The following ARHGAP6 variants were observed in gnomAD, a reference collection of about 807,000 sequenced individuals.
The protein encoded by ARHGAP6 is rho GTPase-activating protein 6.
A neutral mutation model predicts 55.7 loss-of-function variants in ARHGAP6; 16 were observed. The ratio of observed to expected loss-of-function variants is 0.29; its 90% confidence interval spans 0.19 to 0.44. ARHGAP6 has a LOEUF of 0.44. Among genes scored for constraint, ARHGAP6 ranks in the 20% least tolerant of loss-of-function variants. The pLI, the probability that ARHGAP6 is intolerant of heterozygous loss-of-function variation, is 1.00. For missense variants in ARHGAP6, 698 were observed against 808.9 expected (o/e 0.86, Z 1.66); for synonymous variants, 382 against 360.9 (o/e 1.06, Z -0.66).
At chrX:11,437,905 G>C (rs894093053) in intron 1 of ARHGAP6, among the ~76,000 whole-genome samples, 5 of 112,024 alleles carry the variant, frequency 4.5e-5, no homozygotes, top group Non-Finnish European at 7.5e-5. Context: ...GAGATATTCC[G>C]GGCAGAGCAC....
intron 1 of ARHGAP6, among the ~76,000 whole-genome samples, chrX:11,494,545 G>A (rs1387401624): frequency 8.9e-6 from 1 of 112,812 alleles, no homozygotes; most frequent in Non-Finnish European, 1.9e-5. Context: ...TAGGATAAAA[G>A]AGTAGAGATT....
At chrX:11,616,011 G>GGAGTGGCCAAATT (rs1172774230) in intron 1 of ARHGAP6, among the ~76,000 whole-genome samples, 1 of 111,789 alleles carries the variant, frequency 8.9e-6, no homozygotes, top group Non-Finnish European at 1.9e-5. Flanking sequence ...GGCCCACAGT[G>GGAGTGGCCAAATT]TAGCAGTGTT....
chrX:11,562,542 A>C (rs958799748), intron 1 of ARHGAP6, among the ~76,000 whole-genome samples: 6 of 111,843 alleles, frequency 5.4e-5, no homozygotes, highest in African/African-American at 2.0e-4. Flanking sequence ...TTTGAATGTT[A>C]GGAAGGTATA....
chrX:11,283,679 A>G (rs1404759069), intron 1 of ARHGAP6, among the ~76,000 whole-genome samples: 2 of 111,850 alleles, frequency 1.8e-5, no homozygotes, highest in Non-Finnish European at 3.8e-5. Flanking sequence ...GGGAGGCAGA[A>G]GGGTCAGTGT....
At chrX:11,303,260 A>C (rs2048193195) in intron 1 of ARHGAP6, among the ~76,000 whole-genome samples, 1 of 112,360 alleles carries the variant, frequency 8.9e-6, no homozygotes, top group East Asian at 2.8e-4. Context: ...TTTTGCCCCT[A>C]TTTGATCTGG....
intron 1 of ARHGAP6, among the ~76,000 whole-genome samples, chrX:11,376,278 A>C (rs1023980021): frequency 1.8e-5 from 2 of 112,699 alleles, no homozygotes; most frequent in African/African-American, 6.4e-5. Context: ...AGATATGATT[A>C]AGTGTATAGA....
At chrX:11,274,048 G>A (rs757874648) in intron 1 of ARHGAP6, among the ~76,000 whole-genome samples, 136 of 111,086 alleles carry the variant, frequency 1.2e-3, no homozygotes, top group Non-Finnish European at 2.4e-3. Flanking sequence ...CAAACTCAGG[G>A]ACCTTAGTCC....
chrX:11,358,743 A>C (rs942004082), intron 1 of ARHGAP6, among the ~76,000 whole-genome samples: 1 of 111,204 alleles, frequency 9.0e-6, no homozygotes, highest in African/African-American at 3.3e-5. Flanking sequence ...TGGCCACCCA[A>C]AGTGCTGGGA....
At chrX:11,645,089 G>A (rs1307716060) in intron 1 of ARHGAP6, among the ~76,000 whole-genome samples, 2 of 111,667 alleles carry the variant, frequency 1.8e-5, no homozygotes, top group African/African-American at 6.5e-5. Context: ...AGTCTCAAAA[G>A]GCTAAATACT....
At chrX:11,187,646 G>A (rs780355199) in intron 4 of ARHGAP6, among the ~76,000 whole-genome samples, 166 of 111,925 alleles carry the variant, frequency 1.5e-3, no homozygotes, top group Non-Finnish European at 2.8e-3. Flanking sequence ...GTTAGGGGCT[G>A]ATTGAAAAAT....
In ARHGAP6 at chrX:11,208,132, C is replaced by T. The variant is rs777322117; in HGVS notation, c.749-11136G>A. On this transcript the variant is annotated intron_variant, in intron 2 of 12. Transcript: ENST00000337414. Reference sequence around the variant, plus strand: ...TAAGAAACAGGGATAAAAAATATTGCGATATCAGGATATCTAGAATTTGGA... The same window carrying T: ...TAAGAAACAGGGATAAAAAATATTGTGATATCAGGATATCTAGAATTTGGA... 8.1e-5 allele frequency among the ~76,000 whole-genome samples: 9 copies of T among 111,369 alleles called. No individual in the cohort carries two copies. In the South Asian group the frequency reaches 1.5e-3, roughly 19 times the overall value.
At chrX:11,256,984 G>A (rs1166436453) in intron 1 of ARHGAP6, among the ~76,000 whole-genome samples, 2 of 111,109 alleles carry the variant, frequency 1.8e-5, no homozygotes, top group Non-Finnish European at 3.8e-5. Context: ...TGGGGCCAGT[G>A]TATTTTGAAT....
At chrX:11,220,780 C>T (rs1378652341) in intron 2 of ARHGAP6, among the ~76,000 whole-genome samples, 6 of 108,054 alleles carry the variant, frequency 5.6e-5, no homozygotes, top group Admixed American at 3.0e-4. Context: ...TCACACATAA[C>T]AATATTAACT....
intron 1 of ARHGAP6, among the ~76,000 whole-genome samples, chrX:11,623,313 T>A (rs910009166): frequency 9.0e-6 from 1 of 110,570 alleles, no homozygotes; most frequent in Non-Finnish European, 1.9e-5. Flanking sequence ...AAAAAAGAAA[T>A]CAAGAAAGCT....
At chrX:11,654,994 C>T (rs2052622673) in intron 1 of ARHGAP6, among the ~76,000 whole-genome samples, 1 of 111,722 alleles carries the variant, frequency 9.0e-6, no homozygotes, top group South Asian at 3.8e-4. Context: ...GTATCTAATT[C>T]CAGAACATTT....
At chrX:11,613,731 A>C (rs1050446063) in intron 1 of ARHGAP6, among the ~76,000 whole-genome samples, 5 of 112,356 alleles carry the variant, frequency 4.5e-5, no homozygotes, top group Non-Finnish European at 9.4e-5. Flanking sequence ...CCAGGCTGCC[A>C]TTCTTTGGAA....
intron 2 of ARHGAP6, among the ~76,000 whole-genome samples, chrX:11,244,793 G>GC (rs2047331492): frequency 1.8e-5 from 2 of 112,169 alleles, no homozygotes; most frequent in African/African-American, 6.5e-5. Flanking sequence ...CCAAAGTCTT[G>GC]TGCAATAGTG....
At chrX:11,426,147 A>G (rs1229100323) in intron 1 of ARHGAP6, among the ~76,000 whole-genome samples, 1 of 112,043 alleles carries the variant, frequency 8.9e-6, no homozygotes. Flanking sequence ...GGTTCCTGGA[A>G]CGTTTGCCTG....
chrX:11,451,689 C>A (rs1311593018), intron 1 of ARHGAP6, among the ~76,000 whole-genome samples: 1 of 111,706 alleles, frequency 9.0e-6, no homozygotes, highest in Non-Finnish European at 1.9e-5. Flanking sequence ...TCCCCTGCTC[C>A]CCAGAGTAAG....
Sources: gnomAD v4.1 joint callset for allele counts (sites outside exome capture counted in the v4.1 genomes callset) on GRCh38, gnomAD v4.1.1 for gene constraint, MANE v1.5 for transcripts, NCBI Gene and HGNC (gene_info 2026-07-23, HGNC 2026-07-21) for gene names.